NFE2L2: variants seen among roughly 807,000 people sequenced by gnomAD.
NFE2L2 encodes the protein nuclear factor erythroid 2-related factor 2.
Under a neutral mutation model 49.6 loss-of-function variants are expected in NFE2L2, and 20 were observed. That is an observed-to-expected ratio of 0.40 (90% CI 0.28 to 0.59). The LOEUF (loss-of-function observed/expected upper bound fraction) is 0.59, where lower values mean the gene tolerates loss of function less well. NFE2L2 is among the 20% of genes least tolerant of loss of function. NFE2L2 has a pLI of 0.40. For synonymous variants in NFE2L2, 244 were observed against 256.5 expected (o/e 0.95, Z 0.47); for missense variants, 578 against 714.2 (o/e 0.81, Z 2.17).
rs927777269 is a variant in NFE2L2, at chr2:177,263,826, A to T, written c.45+706T>A. ...GCGCGGGGCCCGGCTCAGCCGCCAC[A>T]CGTCGGGGCTTCTGAGCCCGCTGGG... On this transcript the variant is annotated intron_variant, in intron 1 of 4. Transcript: ENST00000397062. The T allele has an allele frequency of 6.1e-6, 6 of 985,410 alleles. No individual in the cohort carries two copies. In the South Asian group the frequency reaches 1.4e-4, roughly 23 times the overall value. 61.0% of individuals were successfully genotyped at this position (985,410 alleles called of 1,614,324 possible). A position where few individuals can be genotyped will look rare whatever the true frequency, so the allele number is the denominator to read the frequency against.
At chr2:177,254,170 G>A (rs1467714041) in intron 1 of NFE2L2, among the ~76,000 whole-genome samples, 1 of 152,182 alleles carries the variant, frequency 6.6e-6, no homozygotes, top group Non-Finnish European at 1.5e-5. Context: ...CCTTGCAGCT[G>A]TAGGTCCGAG....
chr2:177,235,223 CGCGACCA>C (rs1256198348), intron 1 of NFE2L2, among the ~76,000 whole-genome samples: 2 of 151,544 alleles, frequency 1.3e-5, no homozygotes, highest in Non-Finnish European at 2.9e-5. Context: ...CCCAGGAGTT[CGCGACCA>C]GCCTGGGCAA....
At chr2:177,252,326 CAG>C (rs1039795026) in intron 1 of NFE2L2, among the ~76,000 whole-genome samples, 5 of 152,160 alleles carry the variant, frequency 3.3e-5, no homozygotes, top group African/African-American at 1.2e-4. Context: ...CCCAGTGTTG[CAG>C]AGAGTCCAAC....
chr2:177,247,460 G>C (rs573861799), intron 1 of NFE2L2, among the ~76,000 whole-genome samples: 1 of 152,180 alleles, frequency 6.6e-6, no homozygotes, highest in South Asian at 2.1e-4. Context: ...AGGAGTTCAA[G>C]ACCAGCCTGG....
intron 1 of NFE2L2, chr2:177,263,258 G>C: frequency 1.7e-6 from 1 of 586,226 alleles, no homozygotes; most frequent in Non-Finnish European, 2.1e-6. Flanking sequence ...GCAGAAGAGG[G>C]GGAACATGTT....
At chr2:177,240,010 C>T (rs1322887373) in intron 1 of NFE2L2, among the ~76,000 whole-genome samples, 1 of 151,480 alleles carries the variant, frequency 6.6e-6, no homozygotes, top group Non-Finnish European at 1.5e-5. Flanking sequence ...GGACCACAAG[C>T]TCACTACTGT....
chr2:177,264,383 A>C, intron 1 of NFE2L2, 149 bp downstream of exon 1: 8 of 695,252 alleles, frequency 1.2e-5, no homozygotes, highest in East Asian at 3.6e-5. Flanking sequence ...GCCCCGGCGC[A>C]AGCGCGGCGG....
intron 1 of NFE2L2, among the ~76,000 whole-genome samples, chr2:177,247,946 T>C (rs1473304603): frequency 3.3e-5 from 5 of 152,150 alleles, no homozygotes; most frequent in Admixed American, 2.0e-4. Context: ...GCCTTTCTAA[T>C]AGACAAGGCA....
intron 1 of NFE2L2, chr2:177,263,913 A>G (rs1339826865): frequency 1.0e-6 from 1 of 985,420 alleles, no homozygotes; most frequent in Admixed American, 6.1e-5. Flanking sequence ...AGGCTGCCAG[A>G]GAGTGATCCG....
At chr2:177,259,880 G>C (rs920958561) in intron 1 of NFE2L2, among the ~76,000 whole-genome samples, 2 of 151,816 alleles carry the variant, frequency 1.3e-5, no homozygotes, top group Non-Finnish European at 2.9e-5. Context: ...TGCAGTGAGC[G>C]GAGATCATGC....
Position 177,232,261 on chromosome 2 carries a change from G to A in NFE2L2, c.594+131C>T, listed in dbSNP as rs1689580233. On this transcript the variant is annotated intron_variant, in intron 4 of 4. Transcript: ENST00000397062. ...GATGTCCAACCAATTTAACTAGCAT[G>A]GGCAGTACTCATGACTAAGTTAATA... is the stretch of plus-strand genomic sequence containing the variant. 7 of 968,200 alleles carry A rather than the reference G, an allele frequency of 7.2e-6. No individual in the cohort carries two copies. In the East Asian group the frequency reaches 7.9e-5, roughly 11 times the overall value. 60.0% of individuals were successfully genotyped at this position (968,200 alleles called of 1,614,324 possible). A position where few individuals can be genotyped will look rare whatever the true frequency, so the allele number is the denominator to read the frequency against.
chr2:177,251,150 G>A (rs1441758454), intron 1 of NFE2L2, among the ~76,000 whole-genome samples: 1 of 152,140 alleles, frequency 6.6e-6, no homozygotes, highest in East Asian at 1.9e-4. Context: ...TAAAACGTTC[G>A]GCTGTCATCT....
At chr2:177,242,124 T>C (rs932445542) in intron 1 of NFE2L2, among the ~76,000 whole-genome samples, 4 of 152,224 alleles carry the variant, frequency 2.6e-5, no homozygotes, top group African/African-American at 9.6e-5. Flanking sequence ...ACTTTTGGTT[T>C]TATTAGACTG....
chr2:177,233,160 GA>G, intron 3 of NFE2L2, 89 bp downstream of exon 3: 1 of 1,056,098 alleles, frequency 9.5e-7, no homozygotes, highest in Non-Finnish European at 1.4e-6. Flanking sequence ...CTTTTAAATG[GA>G]GATTCATTGA....
Position 177,248,858 on chromosome 2 carries a change from C to A in NFE2L2, c.46-14587G>T, listed in dbSNP as rs1013877327. ...CTCAGCCCTTTCAGGCAGATCATGT[C>A]CCCTGCCCAGCCTCCAGCATTACAT... On this transcript the variant is annotated intron_variant, in intron 1 of 4. Transcript: ENST00000397062. Among the ~76,000 whole-genome samples, 3 of 152,264 alleles carry A rather than the reference C, an allele frequency of 2.0e-5. No individual in the cohort carries two copies. In the East Asian group the frequency reaches 5.8e-4, roughly 29 times the overall value.
chr2:177,232,697 T>TA (rs1689597648), intron 3 of NFE2L2, 114 bp from the exon 4 acceptor site: 2 of 994,462 alleles, frequency 2.0e-6, no homozygotes, highest in South Asian at 1.7e-5. Context: ...TCTCTCTACT[T>TA]ACTAACCAGT....
At chr2:177,247,916 A>G (rs962941809) in intron 1 of NFE2L2, among the ~76,000 whole-genome samples, 1 of 152,192 alleles carries the variant, frequency 6.6e-6, no homozygotes, top group African/African-American at 2.4e-5. Context: ...CAAACGTGAC[A>G]GGCAAAATCA....
intron 1 of NFE2L2, among the ~76,000 whole-genome samples, chr2:177,240,764 A>C (rs1287171628): frequency 2.6e-5 from 4 of 152,242 alleles, no homozygotes; most frequent in Non-Finnish European, 4.4e-5. Flanking sequence ...TTGAACACAG[A>C]ATCCATATTA....
At chr2:177,264,469 G>T in intron 1 of NFE2L2, 63 bp downstream of exon 1, 1 of 1,490,032 alleles carries the variant, frequency 6.7e-7, no homozygotes, top group Non-Finnish European at 9.0e-7. Flanking sequence ...CCGGGCCGCG[G>T]TTCCCTAGCT....
Sources: allele counts gnomAD v4.1 joint callset (sites outside exome capture counted in the v4.1 genomes callset), GRCh38; gene constraint gnomAD v4.1.1; transcripts MANE v1.5; gene names NCBI Gene and HGNC (gene_info 2026-07-23, HGNC 2026-07-21).